Variants in RALGPS1 observed in about 807,000 individuals in gnomAD.
The protein encoded by RALGPS1 is ras-specific guanine nucleotide-releasing factor RalGPS1.
A neutral mutation model predicts 78.8 loss-of-function variants in RALGPS1; 19 were observed. The ratio of observed to expected loss-of-function variants is 0.24; its 90% CI spans 0.17 to 0.35. The LOEUF (loss-of-function observed/expected upper bound fraction) is 0.35, where lower values mean the gene tolerates loss of function less well. RALGPS1 is among the 10% of genes least tolerant of loss of function. The pLI is 1.00. For missense variants in RALGPS1, 454 were observed against 688.3 expected, an observed-to-expected ratio of 0.66 and a Z score of 3.81; for synonymous variants, 228 against 256.3, an observed-to-expected ratio of 0.89 and a Z score of 1.06.
chr9:127,032,287 C>T lies in RALGPS1; in HGVS notation c.217-2144C>T, dbSNP rs2046494530. On this transcript the variant is annotated intron_variant, in intron 4 of 18. Transcript: ENST00000259351. ...TCTGACCCTGGGGTCCACACTGCTC[C>T]CTTTCTGGGTATTGTCTGAAGTTAT... 2.0e-5 allele frequency among the ~76,000 whole-genome samples: 3 copies of T among 152,306 alleles called. No individual in the cohort carries two copies. In the South Asian group the frequency reaches 6.2e-4, roughly 32 times the overall value.
chr9:127,133,445 C>CGAGGTG (rs2057153171), intron 8 of RALGPS1, among the ~76,000 whole-genome samples: 1 of 152,244 alleles, frequency 6.6e-6, no homozygotes, highest in African/African-American at 2.4e-5. Context: ...GAGAGCATGC[C>CGAGGTG]GAGGTGGCGT....
intron 8 of RALGPS1, among the ~76,000 whole-genome samples, chr9:127,077,616 G>A (rs142866897): frequency 3.1e-4 from 47 of 152,354 alleles, no homozygotes; most frequent in African/African-American, 1.1e-3. Context: ...TAGCAATAAT[G>A]TTAACTGGCT....
In RALGPS1 at chr9:127,100,007, G is replaced by A. The variant is rs61411960; in HGVS notation, c.610+30651G>A. 6.2e-3 allele frequency among the ~76,000 whole-genome samples: 943 copies of A among 152,312 alleles called. 9 individuals are homozygous for A. The highest frequency in any genetic ancestry group is 0.021 in the African/African-American group (891 of 41,564). ...GAAAACTGCAAAATCAAAATTTATT[G>A]TATGTAATTAAATTACTACAAAGTG... On this transcript the variant is annotated intron_variant, in intron 8 of 18. Coordinates refer to ENST00000259351, the MANE Select transcript of RALGPS1 (RefSeq NM_014636.3).
intron 4 of RALGPS1, among the ~76,000 whole-genome samples, chr9:127,032,094 A>G (rs979508370): frequency 6.6e-6 from 1 of 152,262 alleles, no homozygotes; most frequent in African/African-American, 2.4e-5. Flanking sequence ...GAAGGCAGGT[A>G]ACCTTTATCA....
rs1290977441 is a variant in RALGPS1, at chr9:127,091,503, T to A, written c.610+22147T>A. On this transcript the variant is annotated intron_variant, in intron 8 of 18. Coordinates refer to ENST00000259351, the MANE Select transcript of RALGPS1 (RefSeq NM_014636.3). The surrounding 1 kb of genome is among the most constrained non-coding windows in gnomAD (Gnocchi z 4.3). ...GACCCAGCTTTGTGAAGGGGACCTG[T>A]GGGCAGGAGAAGGGACCCTCAGGGG... Among the ~76,000 whole-genome samples the A allele has an allele frequency of 6.6e-6, 1 of 152,144 alleles. No individual in the cohort carries two copies. Among genetic ancestry groups the A allele is most frequent in the Admixed American group, 6.5e-5 (1 of 15,286 alleles).
At chr9:127,180,162 TAAAG>T (rs1173943827) in intron 11 of RALGPS1, among the ~76,000 whole-genome samples, 1 of 152,228 alleles carries the variant, frequency 6.6e-6, no homozygotes, top group Non-Finnish European at 1.5e-5. Flanking sequence ...AAAAAAATCA[TAAAG>T]AACGTTGACC....
intron 4 of RALGPS1, chr9:126,978,087 T>G (rs1449301268): frequency 5.3e-6 from 1 of 190,082 alleles, no homozygotes; most frequent in Non-Finnish European, 1.1e-5. Flanking sequence ...GGAACATTTT[T>G]CTGGAAAGTT....
chr9:127,217,951 C>T (rs2062663809), intron 18 of RALGPS1: 1 of 152,278 alleles, frequency 6.6e-6, no homozygotes, highest in East Asian at 1.9e-4. Context: ...TGATTTTCCG[C>T]TTTTTTGCTA....
intron 8 of RALGPS1, among the ~76,000 whole-genome samples, chr9:127,157,897 A>G (rs1388315550): frequency 1.3e-5 from 2 of 152,096 alleles, no homozygotes; most frequent in Non-Finnish European, 2.9e-5. Flanking sequence ...ATTTGTTCCT[A>G]TTTAATAGGA....
At chr9:127,210,725 C>A in intron 14 of RALGPS1, 1 of 1,550,682 alleles carries the variant, frequency 6.4e-7, no homozygotes, top group Non-Finnish European at 8.7e-7. Context: ...CCCTGGGGCC[C>A]AACTGGCGGG....
At chr9:127,111,970 C>T (rs1321641283) in intron 8 of RALGPS1, among the ~76,000 whole-genome samples, 1 of 152,234 alleles carries the variant, frequency 6.6e-6, no homozygotes, top group Non-Finnish European at 1.5e-5. Flanking sequence ...GACACAGGAC[C>T]TAAAGATTTT....
At chr9:127,138,664 C>T (rs1192180408) in intron 8 of RALGPS1, among the ~76,000 whole-genome samples, 1 of 152,190 alleles carries the variant, frequency 6.6e-6, no homozygotes, top group East Asian at 1.9e-4. Flanking sequence ...CACGGAAGGA[C>T]AGAGAGTCTA....
At chr9:127,178,332 A>C in intron 11 of RALGPS1, 1 of 541,166 alleles carries the variant, frequency 1.8e-6, no homozygotes, top group Non-Finnish European at 2.7e-6. Context: ...GGGCAGGGCA[A>C]AAAATGCAGC....
chr9:127,048,322 C>T (rs1419801811), intron 5 of RALGPS1, among the ~76,000 whole-genome samples: 1 of 152,202 alleles, frequency 6.6e-6, no homozygotes, highest in Non-Finnish European at 1.5e-5. Flanking sequence ...AAAGTCTACC[C>T]ATCTTTCAAG....
intron 8 of RALGPS1, among the ~76,000 whole-genome samples, chr9:127,097,532 C>G (rs531456410): frequency 1.3e-5 from 2 of 152,314 alleles, no homozygotes; most frequent in East Asian, 3.9e-4. Flanking sequence ...ACATTAAAGG[C>G]ACCAGTGGCA....
chr9:127,070,446 C>CAAAACGTATGCA (rs1210450245), intron 8 of RALGPS1, among the ~76,000 whole-genome samples: 1 of 152,126 alleles, frequency 6.6e-6, no homozygotes, highest in Non-Finnish European at 1.5e-5. Context: ...TGCACAGCTT[C>CAAAACGTATGCA]AAAACGTATG....
At chr9:126,943,234 C>T (rs747205807) in intron 1 of RALGPS1, among the ~76,000 whole-genome samples, 1 of 152,152 alleles carries the variant, frequency 6.6e-6, no homozygotes, top group Non-Finnish European at 1.5e-5. Context: ...CCTCCACCTC[C>T]TGGATTCAAG....
chr9:126,982,821 T>C (rs1203057408), intron 4 of RALGPS1, among the ~76,000 whole-genome samples: 2 of 88,068 alleles, frequency 2.3e-5, no homozygotes, highest in Admixed American at 1.1e-4. Context: ...TCTTCCTCCT[T>C]CTTCTTCCTC....
chr9:126,985,395 G>A (rs2041703739), intron 4 of RALGPS1, among the ~76,000 whole-genome samples: 1 of 152,166 alleles, frequency 6.6e-6, no homozygotes, highest in African/African-American at 2.4e-5. Flanking sequence ...GTAAGCATCT[G>A]AGATTTGAGG....
Sources: allele counts gnomAD v4.1 joint callset (sites outside exome capture counted in the v4.1 genomes callset), GRCh38; gene constraint gnomAD v4.1.1; non-coding constraint Gnocchi (gnomAD v3.1); transcripts MANE v1.5; gene names NCBI Gene and HGNC (gene_info 2026-07-23, HGNC 2026-07-21).